The following CLASP2 variants were observed in gnomAD, a reference collection of about 807,000 sequenced individuals.
The protein encoded by CLASP2 is cytoplasmic linker associated protein 2, also known as CLIP-associating protein 2.
In CLASP2, 47 loss-of-function variants were observed where a neutral mutation model predicts 194.4. The ratio of observed to expected loss-of-function variants is 0.24; its 90% CI spans 0.19 to 0.31. The LOEUF (loss-of-function observed/expected upper bound fraction) is 0.31, where lower values mean the gene tolerates loss of function less well. Among genes scored for constraint, CLASP2 ranks in the 10% least tolerant of loss-of-function variants. The pLI, the probability that CLASP2 is intolerant of heterozygous loss-of-function variation, is 1.00. For missense variants in CLASP2, 1,445 were observed against 1,823.6 expected (o/e 0.79, Z 3.78); for synonymous variants, 619 against 633.5 (o/e 0.98, Z 0.34).
At chr3:33,529,939 C>G (rs924581951) in intron 34 of CLASP2, among the ~76,000 whole-genome samples, 11 of 134,380 alleles carry the variant, frequency 8.2e-5, no homozygotes, top group African/African-American at 3.0e-4. Flanking sequence ...GATTGCGCCA[C>G]TGCGGTCCGC....
intron 3 of CLASP2, 137 bp from the exon 4 acceptor site, chr3:33,688,505 A>C: frequency 1.5e-6 from 1 of 668,350 alleles, no homozygotes; most frequent in South Asian, 2.2e-5. Flanking sequence ...TTTCTCCACT[A>C]CTTACAAGTT....
At position 33,717,847 on chromosome 3, in the gene CLASP2, G is replaced by C. The variant is rs1307105129; in HGVS notation, c.156C>G (p.Val52=). 2 of 1,564,916 alleles carry C rather than the reference G, an allele frequency of 1.3e-6. No homozygotes were observed. The highest frequency in any genetic ancestry group is 1.4e-5 in the African/African-American group (1 of 73,748). Residue 52 remains valine (V), a synonymous_variant, in exon 1 of 39, where the codon GTC becomes GTG. Coordinates refer to ENST00000682230, the MANE Select transcript of CLASP2 (RefSeq NM_001365631.1). ...EEDLGRLGKT[V]DALTGWVGSS... ...AACCCACCCAGCCGGTGAGCGCGTC[G>C]ACTGTCTTGCCTAGGCGGCCCAGGT... is the stretch of plus-strand genomic sequence containing the variant.
At position 33,554,276 on chromosome 3, in the gene CLASP2, T is replaced by C. The variant is rs566446421; in HGVS notation, c.3010-2881A>G. ...CAACCTAAGTGTCTATCAATGGTTG[T>C]AAAGATAAAGAAAATGTGGTATATA... is the stretch of plus-strand genomic sequence containing the variant. On this transcript the variant is annotated intron_variant, in intron 29 of 38. Coordinates refer to ENST00000682230, the MANE Select transcript of CLASP2 (RefSeq NM_001365631.1). Among the ~76,000 whole-genome samples the C allele has an allele frequency of 1.3e-4, 19 of 149,006 alleles. No homozygotes were observed. In the South Asian group the frequency reaches 3.9e-3, roughly 31 times the overall value.
At position 33,520,334 on chromosome 3, in the gene CLASP2, G is replaced by A. The variant is rs2052638504; in HGVS notation, c.3788-3160C>T. 2.0e-5 allele frequency among the ~76,000 whole-genome samples: 3 copies of A among 152,096 alleles called. No homozygotes were observed. In the South Asian group the frequency reaches 6.2e-4, roughly 32 times the overall value. ...ATATTGTCTCTTGACATGAGAAGCT[G>A]GTAAAAGTAATCAAAGAAATGCAAA... On this transcript the variant is annotated intron_variant, in intron 34 of 38. Coordinates refer to ENST00000682230, the MANE Select transcript of CLASP2 (RefSeq NM_001365631.1).
chr3:33,662,609 G>GT (rs879468593), intron 7 of CLASP2, among the ~76,000 whole-genome samples: 1 of 152,098 alleles, frequency 6.6e-6, no homozygotes, highest in Non-Finnish European at 1.5e-5. Flanking sequence ...CCAAAGAACA[G>GT]TAACTAAATT....
chr3:33,589,104 A>G (rs1300719434), intron 21 of CLASP2, among the ~76,000 whole-genome samples: 1 of 152,140 alleles, frequency 6.6e-6, no homozygotes, highest in African/African-American at 2.4e-5. Context: ...AACAACTACA[A>G]TATTGTACAG....
At chr3:33,711,257 T>G (rs1254988393) in intron 1 of CLASP2, among the ~76,000 whole-genome samples, 1 of 151,324 alleles carries the variant, frequency 6.6e-6, no homozygotes, top group African/African-American at 2.4e-5. Context: ...TTTTTTTTTT[T>G]TTTTTTGAGA....
intron 6 of CLASP2, among the ~76,000 whole-genome samples, chr3:33,673,867 G>T (rs568586335): frequency 8.5e-5 from 13 of 152,144 alleles, no homozygotes; most frequent in African/African-American, 3.1e-4. Context: ...TAATGGTAAA[G>T]GGATCAATTC....
At chr3:33,637,675 G>T (rs1449575662) in intron 8 of CLASP2, among the ~76,000 whole-genome samples, 1 of 152,190 alleles carries the variant, frequency 6.6e-6, no homozygotes, top group Non-Finnish European at 1.5e-5. Context: ...GTAAATATTT[G>T]CAAGCTGTTG....
At chr3:33,566,864 C>G (rs2062829390) in intron 26 of CLASP2, 130 bp from the exon 27 acceptor site, 1 of 313,718 alleles carries the variant, frequency 3.2e-6, no homozygotes, top group African/African-American at 2.2e-5. Context: ...ATAATAGTGA[C>G]AAATGTTTTT....
At chr3:33,624,240 T>A (rs1244056531) in intron 10 of CLASP2, among the ~76,000 whole-genome samples, 1 of 152,104 alleles carries the variant, frequency 6.6e-6, no homozygotes, top group Non-Finnish European at 1.5e-5. Context: ...TTTTAAAATA[T>A]GTCTTTAAAG....
intron 36 of CLASP2, 71 bp downstream of exon 36, chr3:33,515,952 A>C: frequency 6.9e-7 from 1 of 1,453,956 alleles, no homozygotes; most frequent in Non-Finnish European, 9.3e-7. Flanking sequence ...ATAAGGCTAC[A>C]TTTTACACAA....
chr3:33,587,891 C>A (rs1161158988), intron 21 of CLASP2, among the ~76,000 whole-genome samples: 2 of 152,090 alleles, frequency 1.3e-5, no homozygotes, highest in Non-Finnish European at 2.9e-5. Flanking sequence ...ATGAACTGAG[C>A]ACATACAATA....
At chr3:33,688,143 G>A (rs2090925457) in intron 4 of CLASP2, 134 bp downstream of exon 4, 2 of 585,032 alleles carry the variant, frequency 3.4e-6, no homozygotes, top group Admixed American at 7.3e-5. Context: ...GAACAGTAAA[G>A]GTATCAAATG....
At chr3:33,579,835 C>A (rs2065639991) in intron 23 of CLASP2, among the ~76,000 whole-genome samples, 1 of 152,186 alleles carries the variant, frequency 6.6e-6, no homozygotes, top group Non-Finnish European at 1.5e-5. Flanking sequence ...CTATGATATA[C>A]ATTCTTAAAC....
In CLASP2 at chr3:33,718,022, C is replaced by A; in HGVS notation, c.-20G>T. On this transcript the variant is annotated 5_prime_UTR_variant, in exon 1 of 39. Transcript: ENST00000682230. ...CTCCATGGCTGCGGCCGCCCGCCCG[C>A]CTGCCAGTCTGTGAGCGGCCAACTT... 1 of 1,460,950 alleles carries A rather than the reference C, an allele frequency of 6.8e-7. No homozygotes were observed. The highest frequency in any genetic ancestry group is 9.0e-7 in the Non-Finnish European group (1 of 1,114,130). The allele number at this position is 1,460,950 out of a possible 1,614,324, so 90.5% of individuals were successfully genotyped here. A position where few individuals can be genotyped will look rare whatever the true frequency, so the allele number is the denominator to read the frequency against.
intron 10 of CLASP2, among the ~76,000 whole-genome samples, chr3:33,623,171 T>C (rs1488401801): frequency 6.6e-6 from 1 of 152,234 alleles, no homozygotes; most frequent in Admixed American, 6.5e-5. Context: ...ATGAAGTACA[T>C]GTGATATTTT....
rs996787917 is a variant in CLASP2 at position 33,675,117 on chromosome 3, G to A, written c.644+9242C>T. Among the ~76,000 whole-genome samples, 702 of 152,156 alleles carry A rather than the reference G, an allele frequency of 4.6e-3. 9 individuals carry two copies. Among genetic ancestry groups the A allele is most frequent in the African/African-American group, 0.015 (625 of 41,520 alleles). ...CCAGCATCATCCTGATACCAAAGCC[G>A]CGCAGAGACACAACCAAAAAAGAGA... On this transcript the variant is annotated intron_variant, in intron 6 of 38. Coordinates refer to ENST00000682230, the MANE Select transcript of CLASP2 (RefSeq NM_001365631.1).
rs2073052863 is a variant in CLASP2 at position 33,604,025 on chromosome 3, C to T, written c.1750+129G>A. ...GTATACACGTATACATATACAGGTA[C>T]AGTGCATATGTGTGGTACTGAGTTA... On this transcript the variant is annotated intron_variant, in intron 17 of 38. Coordinates refer to ENST00000682230, the MANE Select transcript of CLASP2 (RefSeq NM_001365631.1). 9.1e-6 allele frequency: 6 copies of T among 656,688 alleles called. No individual in the cohort carries two copies. The Admixed American group carries it at 1.7e-4, about 18-fold the overall frequency. The allele number at this position is 656,688 out of a possible 1,614,324, so 40.7% of individuals were successfully genotyped here. A position where few individuals can be genotyped will look rare whatever the true frequency, so the allele number is the denominator to read the frequency against.
Sources: allele counts gnomAD v4.1 joint callset (sites outside exome capture counted in the v4.1 genomes callset), GRCh38; gene constraint gnomAD v4.1.1; transcripts MANE v1.5; gene names NCBI Gene and HGNC (gene_info 2026-07-23, HGNC 2026-07-21).